The following NF2 variants were observed in gnomAD, a reference collection of about 807,000 sequenced individuals.
The protein encoded by NF2 is NF2, moesin-ezrin-radixin like (MERLIN) tumor suppressor.
In NF2, 8 loss-of-function variants were observed where a neutral mutation model predicts 83.7. That is an observed-to-expected ratio of 0.10 (90% CI 0.06 to 0.17). The LOEUF is 0.17. Among genes scored for constraint, NF2 ranks in the 10% least tolerant of loss-of-function variants. The pLI is 1.00. For missense variants in NF2, 533 were observed against 744.4 expected (o/e 0.72, Z 3.31); for synonymous variants, 266 against 269.6 (o/e 0.99, Z 0.13).
At chr22:29,668,553 C>G (rs540166116) in intron 10 of NF2, 107 bp downstream of exon 10, 1 of 786,440 alleles carries the variant, frequency 1.3e-6, no homozygotes, top group African/African-American at 1.7e-5. Flanking sequence ...CGTGGACATA[C>G]CTGCTCTTGT....
At position 29,661,336 on chromosome 22, in the gene NF2, G is replaced by A. The variant is rs2147011393; in HGVS notation, c.807G>A (p.Lys269=). 6.2e-7 allele frequency: 1 copy of A among 1,614,028 alleles called. No individual in the cohort carries two copies. Among genetic ancestry groups the A allele is most frequent in the Non-Finnish European group, 8.5e-7 (1 of 1,180,030 alleles). ...TCCGAAACATCTCGTACAGTGACAA[G>A]GAGGTAGGACATGTGTGTACTGCAG... ...NEIRNISYSD[K]EFTIKPLDKK... Residue 269 remains lysine (K), a synonymous_variant, in exon 8 of 16, where the codon AAG becomes AAA. Coordinates refer to ENST00000338641, the MANE Select transcript of NF2 (RefSeq NM_000268.4).
intron 7 of NF2, among the ~76,000 whole-genome samples, chr22:29,658,579 G>A (rs1394949604): frequency 6.6e-6 from 1 of 152,010 alleles, no homozygotes; most frequent in Non-Finnish European, 1.5e-5. Flanking sequence ...CGTCCACAGG[G>A]AGCACTTGTA....
At chr22:29,638,394 A>G (rs2065705460) in intron 2 of NF2, among the ~76,000 whole-genome samples, 1 of 148,504 alleles carries the variant, frequency 6.7e-6, no homozygotes, top group Non-Finnish European at 1.5e-5. Context: ...CTTGTTGCCC[A>G]GGCTGCAGTA....
chr22:29,621,555 A>G (rs1348493878), intron 1 of NF2, among the ~76,000 whole-genome samples: 1 of 151,988 alleles, frequency 6.6e-6, no homozygotes, highest in Non-Finnish European at 1.5e-5. Flanking sequence ...TGGTCCTAGC[A>G]TCTCGGGAGG....
intron 2 of NF2, among the ~76,000 whole-genome samples, chr22:29,638,655 T>C (rs1376713697): frequency 1.4e-4 from 21 of 152,046 alleles, no homozygotes; most frequent in Admixed American, 1.4e-3. Flanking sequence ...CCCAGCGCTC[T>C]AAGCCGTATT....
At chr22:29,616,951 C>T (rs866921708) in intron 1 of NF2, among the ~76,000 whole-genome samples, 5 of 150,852 alleles carry the variant, frequency 3.3e-5, no homozygotes, top group Middle Eastern at 3.4e-3. Flanking sequence ...TTTTTTGAGA[C>T]GGAGTCTCGC....
Position 29,642,190 on chromosome 22 carries a change from T to C in NF2, c.364-12T>C, listed in dbSNP as rs200429883. 8.1e-6 allele frequency: 13 copies of C among 1,610,368 alleles called. No individual in the cohort carries two copies. Among genetic ancestry groups the C allele is most frequent in the Non-Finnish European group, 1.0e-5 (12 of 1,176,626 alleles). On this transcript the variant is annotated splice_polypyrimidine_tract_variant and intron_variant, in intron 3 of 15. Coordinates refer to ENST00000338641, the MANE Select transcript of NF2 (RefSeq NM_000268.4). ...TCACAGAGTATCATGTCTCCCTTGT[T>C]GCTCCTTTCAGGTAAAGAAGCAGAT...
At chr22:29,616,376 T>C (rs1482855059) in intron 1 of NF2, among the ~76,000 whole-genome samples, 1 of 152,238 alleles carries the variant, frequency 6.6e-6, no homozygotes, top group Non-Finnish European at 1.5e-5. Context: ...ACAATGGGCA[T>C]GACTGTGTTC....
intron 10 of NF2, among the ~76,000 whole-genome samples, chr22:29,669,628 G>C (rs2066722922): frequency 6.6e-6 from 1 of 152,246 alleles, no homozygotes; most frequent in South Asian, 2.1e-4. Flanking sequence ...TAAGAAATCT[G>C]AAAGTGTCAG....
At chr22:29,639,841 C>G (rs1183964758) in intron 3 of NF2, among the ~76,000 whole-genome samples, 4 of 135,998 alleles carry the variant, frequency 2.9e-5, no homozygotes. Context: ...AAGATCGCGC[C>G]ACTGCACTCC....
At chr22:29,627,966 C>T (rs532745877) in intron 1 of NF2, among the ~76,000 whole-genome samples, 5 of 152,238 alleles carry the variant, frequency 3.3e-5, no homozygotes, top group South Asian at 2.1e-4. Context: ...TTTTTAATAA[C>T]GAGTGTCATA....
chr22:29,665,031 G>C lies in NF2; in HGVS notation c.852G>C (p.Lys284Asn). 6.2e-7 allele frequency: 1 copy of C among 1,613,934 alleles called. No individual in the cohort carries two copies. The highest frequency in any genetic ancestry group is 1.1e-5 in the South Asian group (1 of 91,050). Residue 284 changes from lysine to asparagine, a missense_variant, in exon 9 of 16, where the codon AAG becomes AAC. By Grantham distance (94) the Lys-to-Asn change is moderately conservative. This residue lies in a region of NF2 where 326 missense variants were observed against 475.1 expected (regional missense o/e 0.69). Transcript: ENST00000338641. ...KPLDKKIDVF[K>N]FNSSKLRVNK... is the part of the protein sequence containing the mutation. ...TGGATAAGAAAATTGATGTCTTCAA[G>C]TTTAACTCCTCAAAGCTTCGTGTTA...
At chr22:29,692,541 G>C (rs1349048464) in intron 15 of NF2, among the ~76,000 whole-genome samples, 1 of 152,186 alleles carries the variant, frequency 6.6e-6, no homozygotes. Context: ...GGAATTCTTG[G>C]AGCCAACATT....
In NF2 at chr22:29,673,319, C is replaced by A; in HGVS notation, c.1173C>A (p.Thr391=). The change falls in exon 12 of 16, where the codon ACC becomes ACA. Residue 391 remains threonine (T), a synonymous_variant. Transcript: ENST00000338641. ...TGTTGGCTGAAAAGGCCCAGATCAC[C>A]GAGGAGGAGGCAAAACTTCTGGCCC... is the stretch of plus-strand genomic sequence containing the variant. ...ADLLAEKAQI[T]EEEAKLLAQK... 6.3e-7 allele frequency: 1 copy of A among 1,596,864 alleles called. No individual in the cohort carries two copies. Among genetic ancestry groups the A allele is most frequent in the South Asian group, 1.1e-5 (1 of 87,800 alleles).
chr22:29,644,420 G>A (rs537755667), intron 4 of NF2, among the ~76,000 whole-genome samples: 77 of 148,510 alleles, frequency 5.2e-4, no homozygotes, highest in Admixed American at 4.4e-3. Flanking sequence ...GGGCAGAGAC[G>A]CTCCTCACTT....
chr22:29,654,253 A>G (rs187224261), intron 4 of NF2, among the ~76,000 whole-genome samples: 117 of 152,346 alleles, frequency 7.7e-4, no homozygotes, highest in African/African-American at 2.5e-3. Context: ...ATGGGCTCCA[A>G]TTACCAGTCA....
At chr22:29,693,484 T>TCTCCCTCCCCTGCCCTTTATGGAGC (rs2067460195) in intron 15 of NF2, among the ~76,000 whole-genome samples, 1 of 152,044 alleles carries the variant, frequency 6.6e-6, no homozygotes, top group Non-Finnish European at 1.5e-5. Context: ...GGGTTTGGAG[T>TCTCCCTCCCCTGCCCTTTATGGAGC]CTCCCTCCCC....
intron 1 of NF2, among the ~76,000 whole-genome samples, chr22:29,617,271 C>G (rs555498014): frequency 1.3e-5 from 2 of 152,212 alleles, no homozygotes; most frequent in South Asian, 4.2e-4. Context: ...GCAATTTTGC[C>G]AGGAAAAGCT....
intron 6 of NF2, 50 bp from the exon 7 acceptor site, chr22:29,658,139 C>T (rs766071008): frequency 2.9e-5 from 46 of 1,563,138 alleles, no homozygotes; most frequent in South Asian, 4.4e-5. Flanking sequence ...CACCCGCTCT[C>T]CACCCATCTC....
Sources: gnomAD v4.1 joint callset for allele counts (sites outside exome capture counted in the v4.1 genomes callset) on GRCh38, gnomAD v4.1.1 for gene constraint, gnomAD v4.1.1 regional missense constraint, MANE v1.5 for transcripts, NCBI Gene and HGNC (gene_info 2026-07-23, HGNC 2026-07-21) for gene names.